Variants in FANCA observed in about 807,000 individuals in gnomAD.
FANCA encodes FA complementation group A.
A neutral mutation model predicts 194.3 loss-of-function variants in FANCA; 236 were observed. The ratio of observed to expected loss-of-function variants is 1.21; its 90% CI spans 1.09 to 1.35. The LOEUF is 1.35. Ranked by LOEUF, FANCA falls within the 40% of genes most tolerant of loss-of-function variation. The pLI is 0.00. For synonymous variants in FANCA, 1,014 were observed against 715.8 expected (o/e 1.42, Z -6.65); for missense variants, 2,628 against 1,813.9 (o/e 1.45, Z -8.15).
At chr16:89,743,401 G>A (rs1389157804) in intron 36 of FANCA, among the ~76,000 whole-genome samples, 1 of 152,228 alleles carries the variant, frequency 6.6e-6, no homozygotes, top group Non-Finnish European at 1.5e-5. Context: ...AAACAATGCT[G>A]TGGTTTAAGA....
Position 89,773,260 on chromosome 16 carries a change from T to C in FANCA, c.2014+11A>G. ...ACATGAGACACAGCATGAGCTCCCA[T>C]CCATCCTCACCATCACGCTGGCTGG... On this transcript the variant is annotated intron_variant, in intron 22 of 42. Coordinates refer to ENST00000389301, the MANE Select transcript of FANCA (RefSeq NM_000135.4). The C allele has an allele frequency of 6.5e-7, 1 of 1,540,960 alleles. No homozygotes were observed. Among genetic ancestry groups the C allele is most frequent in the Non-Finnish European group, 8.8e-7 (1 of 1,138,342 alleles).
chr16:89,769,882 C>G lies in FANCA; in HGVS notation c.2459G>C (p.Ser820Thr). Residue 820 changes from serine to threonine, a missense_variant, in exon 26 of 43, where the codon AGC becomes ACC. Transcript: ENST00000389301. ...AGLPVPALFD[S>T]LLTCRTRDSL... is the part of the protein sequence containing the mutation. ...ATCCCTCGTCCTACAGGTCAGGAGG[C>G]TGTCAAAGAGCGCAGGGACAGGAAG... The G allele has an allele frequency of 1.2e-6, 2 of 1,614,162 alleles. No individual in the cohort carries two copies. Among genetic ancestry groups the G allele is most frequent in the Non-Finnish European group, 1.7e-6 (2 of 1,180,036 alleles).
chr16:89,791,880 CT>C (rs955849936), intron 13 of FANCA, 46 bp downstream of exon 13: 5 of 1,612,890 alleles, frequency 3.1e-6, no homozygotes, highest in Non-Finnish European at 4.2e-6. Context: ...TGACACCCCC[CT>C]ACACACACTC....
chr16:89,791,732 C>G, intron 13 of FANCA, 195 bp downstream of exon 13: 4 of 965,780 alleles, frequency 4.1e-6, no homozygotes, highest in South Asian at 1.5e-5. Context: ...AGTGGACACT[C>G]TGGCCTCTCA....
chr16:89,742,597 CAGG>C (rs1191945736), intron 37 of FANCA, among the ~76,000 whole-genome samples, 200 bp downstream of exon 37: 1 of 138,958 alleles, frequency 7.2e-6, no homozygotes, highest in Non-Finnish European at 1.5e-5. Context: ...ATCACGGGGT[CAGG>C]AGATCGAGAC....
At chr16:89,741,475 C>T (rs993696838) in intron 37 of FANCA, among the ~76,000 whole-genome samples, 3 of 152,230 alleles carry the variant, frequency 2.0e-5, no homozygotes, top group African/African-American at 7.2e-5. Context: ...CGTTGCGGAT[C>T]TCGGGCTGGG....
At chr16:89,757,709 G>A (rs959592344) in intron 30 of FANCA, among the ~76,000 whole-genome samples, 3 of 152,108 alleles carry the variant, frequency 2.0e-5, no homozygotes, top group Non-Finnish European at 4.4e-5. Flanking sequence ...GGTACACTCC[G>A]TCCATCCTTC....
chr16:89,795,820 C>T (rs1394575087), intron 11 of FANCA, 86 bp downstream of exon 11: 14 of 940,420 alleles, frequency 1.5e-5, no homozygotes, highest in Non-Finnish European at 2.5e-5. Flanking sequence ...GAATTCCTGG[C>T]ATCTCCAGTC....
chr16:89,778,659 TAACC>T (rs1173812210), intron 20 of FANCA, 138 bp downstream of exon 20: 27 of 222,080 alleles, frequency 1.2e-4, no homozygotes, highest in Admixed American at 2.3e-4. Flanking sequence ...AAAAAAAAAG[TAACC>T]AACCAATTTT....
In FANCA at chr16:89,750,407, C is replaced by T. The variant is rs150924516; in HGVS notation, c.3067-505G>A. Among the ~76,000 whole-genome samples, 959 of 151,306 alleles carry T rather than the reference C, an allele frequency of 6.3e-3. 11 individuals are homozygous for T. Among genetic ancestry groups the T allele is most frequent in the South Asian group, 0.043 (206 of 4,736 alleles). ...CTGAGGCAGGAGAATGGCGTGAACC[C>T]GGGAGGTGGAGCTTGCAGTGAGCCC... On this transcript the variant is annotated intron_variant, in intron 31 of 42. Transcript: ENST00000389301.
intron 2 of FANCA, 149 bp downstream of exon 2, chr16:89,815,728 G>C: frequency 2.8e-6 from 2 of 722,286 alleles, no homozygotes; most frequent in Admixed American, 2.0e-5. Context: ...GGTTGGTCCA[G>C]AACTCCCGGG....
chr16:89,764,857 T>C (rs747248736), intron 28 of FANCA, 33 bp downstream of exon 28: 13 of 1,610,068 alleles, frequency 8.1e-6, no homozygotes, highest in Non-Finnish European at 1.1e-5. Flanking sequence ...ACTCAGGACG[T>C]GGCATGATGC....
chr16:89,808,627 A>C, intron 5 of FANCA, among the ~76,000 whole-genome samples: 1 of 151,828 alleles, frequency 6.6e-6, no homozygotes, highest in East Asian at 1.9e-4. Flanking sequence ...CTTCCTACGC[A>C]CTGTAGCCTA....
chr16:89,806,843 C>T (rs2040669269), intron 6 of FANCA, among the ~76,000 whole-genome samples: 1 of 152,162 alleles, frequency 6.6e-6, no homozygotes, highest in African/African-American at 2.4e-5. Flanking sequence ...TCATCATGGC[C>T]CGTTCTCAAT....
intron 28 of FANCA, among the ~76,000 whole-genome samples, chr16:89,762,454 T>C (rs6500442): frequency 0.52 from 79,245 of 151,580 alleles, 22,809 homozygotes; most frequent in East Asian, 0.98. Flanking sequence ...ATCAGCCAGG[T>C]GTGGTGGCAC....
chr16:89,803,530 G>A (rs1175955664), intron 7 of FANCA, among the ~76,000 whole-genome samples, 189 bp from the exon 8 acceptor site: 5 of 151,866 alleles, frequency 3.3e-5, no homozygotes, highest in Admixed American at 1.3e-4. Flanking sequence ...CTACACTAGC[G>A]TTCACCAAAC....
chr16:89,807,899 A>G (rs770527918), intron 6 of FANCA, among the ~76,000 whole-genome samples: 5 of 151,642 alleles, frequency 3.3e-5, no homozygotes, highest in Middle Eastern at 3.2e-3. Flanking sequence ...AAATAAATAC[A>G]TAACAAAAAT....
intron 36 of FANCA, among the ~76,000 whole-genome samples, chr16:89,744,007 C>T (rs1456663060): frequency 6.6e-6 from 1 of 152,030 alleles, no homozygotes; most frequent in African/African-American, 2.4e-5. Flanking sequence ...AAGCAATTCT[C>T]CTGCCTCAGC....
rs776492214 is a variant in FANCA, at chr16:89,765,017, G to A, written c.2651C>T (p.Ser884Phe). ...GGAAAGGCTGGCTACGTCCTCCTCA[G>A]AAAGAGGCTGTCGGGCCTCTGAGAA... ...RLFSEARQPL[S>F]EEDVASLSWR... Residue 884 changes from serine to phenylalanine, a missense_variant, in exon 28 of 43, where the codon TCT becomes TTT. Ser to Phe is a radical substitution (Grantham distance 155, BLOSUM62 -2). Transcript: ENST00000389301. 6.2e-7 allele frequency: 1 copy of A among 1,614,252 alleles called. No individual in the cohort carries two copies. The highest frequency in any genetic ancestry group is 8.5e-7 in the Non-Finnish European group (1 of 1,180,046).
Sources: allele counts gnomAD v4.1 joint callset (sites outside exome capture counted in the v4.1 genomes callset), GRCh38; gene constraint gnomAD v4.1.1; transcripts MANE v1.5; gene names NCBI Gene and HGNC (gene_info 2026-07-23, HGNC 2026-07-21).